The following ASTN2 variants were observed in gnomAD, a reference collection of about 807,000 sequenced individuals.
ASTN2 encodes astrotactin 2.
Under a neutral mutation model 139.8 loss-of-function variants are expected in ASTN2, and 54 were observed. The ratio of observed to expected loss-of-function variants is 0.39; its 90% CI spans 0.31 to 0.48. ASTN2 has a LOEUF of 0.48. ASTN2 is among the 20% of genes least tolerant of loss of function. The pLI, the probability that ASTN2 is intolerant of heterozygous loss-of-function variation, is 0.95. For missense variants in ASTN2, 1,565 were observed against 1,725.1 expected (o/e 0.91, Z 1.64); for synonymous variants, 756 against 719.5 (o/e 1.05, Z -0.81).
chr9:116,820,896 C>T, intron 11 of ASTN2, 113 bp from the exon 12 acceptor site: 2 of 1,131,682 alleles, frequency 1.8e-6, no homozygotes, highest in Non-Finnish European at 2.4e-6. Flanking sequence ...GAAAGGTATT[C>T]AGTCTCCTTT....
chr9:117,237,028 T>C (rs1357586048), intron 2 of ASTN2, among the ~76,000 whole-genome samples: 2 of 152,164 alleles, frequency 1.3e-5, no homozygotes, highest in African/African-American at 4.8e-5. Flanking sequence ...TGTGGAACAA[T>C]GCCAGGATCA....
chr9:117,254,425 C>A (rs1040666192), intron 2 of ASTN2, among the ~76,000 whole-genome samples: 1 of 152,094 alleles, frequency 6.6e-6, no homozygotes, highest in African/African-American at 2.4e-5. Context: ...ACAACCCAAC[C>A]CAGGGTTTCC....
chr9:116,476,467 G>C lies in ASTN2; in HGVS notation c.3497+10892C>G, dbSNP rs528570158. 2.6e-5 allele frequency among the ~76,000 whole-genome samples: 4 copies of C among 152,180 alleles called. No homozygotes were observed. In the South Asian group the frequency reaches 8.3e-4, roughly 32 times the overall value. On this transcript the variant is annotated intron_variant, in intron 20 of 22. Transcript: ENST00000313400. ...CTGGCTGGGCTAGTGGCTCTTCCTT[G>C]GTGTCCCCACGGTCCCTGGAGCATG...
In ASTN2 at chr9:116,653,198, G is replaced by T. The variant is rs754138124; in HGVS notation, c.2807-1405C>A. ...TCAGCCAGAGAGATTATAGAATTCT[G>T]AATGGCTAGAACTATATTCATGATC... On this transcript the variant is annotated intron_variant, in intron 16 of 22. Transcript: ENST00000313400. Among the ~76,000 whole-genome samples the T allele has an allele frequency of 9.5e-4, 144 of 152,136 alleles. 2 individuals are homozygous for T. Among genetic ancestry groups the T allele is most frequent in the Non-Finnish European group, 3.5e-4 (24 of 68,038 alleles).
rs896190044 is a variant in ASTN2, at chr9:117,002,807, G to A, written c.1591+5285C>T. On this transcript the variant is annotated intron_variant, in intron 7 of 22. Coordinates refer to ENST00000313400, the MANE Select transcript of ASTN2 (RefSeq NM_001365068.1). Reference sequence around the variant, plus strand: ...TTGCTCCAGCAAAGTTTACAGTCTGGTGATAGTTCCAGACAAGGAAAGAAC... The same window carrying A: ...TTGCTCCAGCAAAGTTTACAGTCTGATGATAGTTCCAGACAAGGAAAGAAC... 1.4e-4 allele frequency among the ~76,000 whole-genome samples: 22 copies of A among 152,152 alleles called. 1 individual carries two copies. The highest frequency in any genetic ancestry group is 1.4e-3 in the Admixed American group (22 of 15,272).
At chr9:117,014,065 T>A (rs1837607734) in intron 6 of ASTN2, among the ~76,000 whole-genome samples, 1 of 152,144 alleles carries the variant, frequency 6.6e-6, no homozygotes, top group Admixed American at 6.5e-5. Flanking sequence ...TAATTAAAGA[T>A]TCCCTCCCTT....
intron 1 of ASTN2, among the ~76,000 whole-genome samples, chr9:117,353,262 CAG>C (rs1390808801): frequency 1.3e-4 from 20 of 151,938 alleles, no homozygotes. Flanking sequence ...CTCCAAAATC[CAG>C]AGTCTTTCTA....
chr9:117,349,728 T>G (rs10983630), intron 1 of ASTN2, among the ~76,000 whole-genome samples: 41,586 of 152,002 alleles, frequency 0.27, 5,977 homozygotes, highest in East Asian at 0.4. Flanking sequence ...AAAAACCCAA[T>G]GGACACTGCC....
chr9:116,458,785 C>T (rs1268834926), intron 20 of ASTN2, among the ~76,000 whole-genome samples: 1 of 151,842 alleles, frequency 6.6e-6, no homozygotes, highest in African/African-American at 2.4e-5. Context: ...GTGAAGACAT[C>T]CTGTATTCAT....
chr9:117,182,355 C>T (rs1831095685), intron 3 of ASTN2, among the ~76,000 whole-genome samples: 1 of 151,096 alleles, frequency 6.6e-6, no homozygotes, highest in East Asian at 2.0e-4. Context: ...AAACACATAC[C>T]CCACAGATGC....
chr9:116,655,088 C>T (rs1475938260), intron 16 of ASTN2, among the ~76,000 whole-genome samples: 3 of 152,140 alleles, frequency 2.0e-5, no homozygotes, highest in Non-Finnish European at 4.4e-5. Context: ...TAATCTGGTG[C>T]AACCCCATTG....
intron 10 of ASTN2, among the ~76,000 whole-genome samples, chr9:116,949,395 G>A (rs1367975692): frequency 6.8e-6 from 1 of 147,068 alleles, no homozygotes; most frequent in East Asian, 2.0e-4. Flanking sequence ...ATCACTGTAT[G>A]AAAATATACT....
chr9:117,286,773 C>G (rs1834461231), intron 2 of ASTN2, among the ~76,000 whole-genome samples: 1 of 152,210 alleles, frequency 6.6e-6, no homozygotes, highest in South Asian at 2.1e-4. Flanking sequence ...TTTCCAATTT[C>G]TATCAAATGT....
chr9:116,432,116 C>T lies in ASTN2; in HGVS notation c.3783-6028G>A, dbSNP rs115176978. ...GCCTTGATTCACAGAGAAATATCAT[C>T]TGATGACCACTCACTTCACAACAAA... On this transcript the variant is annotated intron_variant, in intron 22 of 22. Transcript: ENST00000313400. 3.8e-3 allele frequency among the ~76,000 whole-genome samples: 573 copies of T among 152,274 alleles called. 4 individuals are homozygous for T. Among genetic ancestry groups the T allele is most frequent in the African/African-American group, 0.013 (547 of 41,550 alleles).
intron 3 of ASTN2, among the ~76,000 whole-genome samples, chr9:117,161,864 C>CT (rs11388034): frequency 0.42 from 61,709 of 147,060 alleles, 12,687 homozygotes; most frequent in Middle Eastern, 0.45. Flanking sequence ...TTTTCTTTTT[C>CT]TTTTTTTTTA....
chr9:117,307,729 A>G (rs138858927), intron 1 of ASTN2, among the ~76,000 whole-genome samples: 1 of 152,372 alleles, frequency 6.6e-6, no homozygotes, highest in East Asian at 1.9e-4. Flanking sequence ...AACAGGTTTT[A>G]ACCCAAGGGC....
At chr9:116,615,536 T>G (rs573093437) in intron 19 of ASTN2, among the ~76,000 whole-genome samples, 80 of 152,274 alleles carry the variant, frequency 5.3e-4, no homozygotes, top group African/African-American at 1.9e-3. Flanking sequence ...CATGAAATAC[T>G]ATGCAGCCAT....
intron 19 of ASTN2, among the ~76,000 whole-genome samples, chr9:116,609,951 T>C (rs764488374): frequency 3.9e-5 from 6 of 151,918 alleles, no homozygotes; most frequent in Non-Finnish European, 7.4e-5. Context: ...CTAAATTTTT[T>C]TAAAAAAGAG....
At chr9:116,839,701 C>T (rs542947541) in intron 11 of ASTN2, among the ~76,000 whole-genome samples, 2 of 151,800 alleles carry the variant, frequency 1.3e-5, no homozygotes, top group Admixed American at 6.6e-5. Context: ...GAGGGAGTCT[C>T]GCTCTGTCGC....
Sources: allele counts gnomAD v4.1 joint callset (sites outside exome capture counted in the v4.1 genomes callset), GRCh38; gene constraint gnomAD v4.1.1; transcripts MANE v1.5; gene names NCBI Gene and HGNC (gene_info 2026-07-23, HGNC 2026-07-21).